EYS: variants seen among roughly 807,000 people sequenced by gnomAD.
EYS encodes EGF-like photoreceptor maintenance factor, also known as protein eyes shut homolog.
In EYS, 250 loss-of-function variants were observed where a neutral mutation model predicts 282.1. That is an observed-to-expected ratio of 0.89 (90% CI 0.80 to 0.98). EYS has a LOEUF of 0.98. Ranked by LOEUF, EYS falls within the 50% of genes least tolerant of loss-of-function variation. The pLI, the probability that EYS is intolerant of heterozygous loss-of-function variation, is 0.00. For missense variants in EYS, 4,016 were observed against 3,709.0 expected, an observed-to-expected ratio of 1.08 and a Z score of -2.15; for synonymous variants, 1,355 against 1,282.9, an observed-to-expected ratio of 1.06 and a Z score of -1.20.
At chr6:64,880,507 C>T (rs978224198) in intron 19 of EYS, among the ~76,000 whole-genome samples, 1 of 151,572 alleles carries the variant, frequency 6.6e-6, no homozygotes, top group Admixed American at 6.6e-5. Flanking sequence ...CTCTCTACCT[C>T]TCCCTCTCTA....
chr6:65,103,495 A>T (rs901001510), intron 12 of EYS, among the ~76,000 whole-genome samples: 1 of 151,414 alleles, frequency 6.6e-6, no homozygotes, highest in Non-Finnish European at 1.5e-5. Flanking sequence ...AGACTCTAAT[A>T]GTCAATGCCA....
At chr6:65,485,096 ATACT>A (rs1248333100) in intron 5 of EYS, among the ~76,000 whole-genome samples, 2 of 152,248 alleles carry the variant, frequency 1.3e-5, no homozygotes, top group Non-Finnish European at 2.9e-5. Flanking sequence ...TCTACAATAA[ATACT>A]TACTTTTTAA....
chr6:64,227,776 C>T (rs1277818816), intron 31 of EYS, among the ~76,000 whole-genome samples: 1 of 151,924 alleles, frequency 6.6e-6, no homozygotes, highest in East Asian at 1.9e-4. Flanking sequence ...ATAAGGGATT[C>T]ATTTAAACAT....
intron 12 of EYS, among the ~76,000 whole-genome samples, chr6:65,136,142 T>C (rs1227665789): frequency 6.6e-6 from 1 of 152,008 alleles, no homozygotes; most frequent in Non-Finnish European, 1.5e-5. Flanking sequence ...ATGTATTCCA[T>C]ACAGTACATT....
intron 35 of EYS, among the ~76,000 whole-genome samples, chr6:63,948,386 T>C (rs1173577258): frequency 1.3e-5 from 2 of 152,226 alleles, no homozygotes; most frequent in East Asian, 3.8e-4. Flanking sequence ...CATTTCTTTG[T>C]CTCTCAGAAA....
chr6:64,254,384 A>G (rs1318259268), intron 30 of EYS, among the ~76,000 whole-genome samples: 1 of 152,118 alleles, frequency 6.6e-6, no homozygotes. Context: ...GTCAATTTCT[A>G]GCTTGCTCCT....
chr6:65,443,723 CACATACGTGCATATACACAT>C (rs1768534595), intron 5 of EYS, among the ~76,000 whole-genome samples: 1 of 54,600 alleles, frequency 1.8e-5, no homozygotes, highest in African/African-American at 5.2e-5. Flanking sequence ...CACATATATA[CACATACGTGCATATACACAT>C]ATATACACAT....
chr6:64,764,042 G>T (rs560029992), intron 22 of EYS, among the ~76,000 whole-genome samples: 3 of 152,180 alleles, frequency 2.0e-5, no homozygotes, highest in Non-Finnish European at 4.4e-5. Context: ...GGCATTGAGG[G>T]CCGGAGGCTT....
At chr6:65,005,390 C>T (rs1211213812) in intron 13 of EYS, among the ~76,000 whole-genome samples, 10 of 147,510 alleles carry the variant, frequency 6.8e-5, no homozygotes, top group Non-Finnish European at 1.5e-4. Flanking sequence ...CCTCGGAATC[C>T]GTGAGGCCAA....
intron 12 of EYS, among the ~76,000 whole-genome samples, chr6:65,189,167 A>G (rs1765583868): frequency 6.6e-6 from 1 of 151,670 alleles, no homozygotes; most frequent in Non-Finnish European, 1.5e-5. Context: ...ATAATTTATT[A>G]TATATTTATG....
chr6:64,146,449 C>A (rs1774522192), intron 31 of EYS, among the ~76,000 whole-genome samples: 1 of 151,966 alleles, frequency 6.6e-6, no homozygotes. Flanking sequence ...TTGGCTTGTC[C>A]CAAAGCAGAA....
At chr6:65,353,182 A>T (rs1051191329) in intron 9 of EYS, among the ~76,000 whole-genome samples, 4 of 151,936 alleles carry the variant, frequency 2.6e-5, no homozygotes, top group African/African-American at 9.7e-5. Context: ...TTGTCCATTA[A>T]CCACTCCCTT....
intron 31 of EYS, among the ~76,000 whole-genome samples, chr6:64,096,560 G>A (rs1772622856): frequency 6.6e-6 from 1 of 152,156 alleles, no homozygotes; most frequent in African/African-American, 2.4e-5. Flanking sequence ...TGAGGCTTGT[G>A]CATTCGTCAC....
intron 5 of EYS, among the ~76,000 whole-genome samples, chr6:65,420,634 C>A: frequency 6.6e-6 from 1 of 151,826 alleles, no homozygotes; most frequent in East Asian, 1.9e-4. Context: ...TTCCAGAAAG[C>A]TTTCAATTGA....
chr6:64,318,658 T>C (rs1319978272), intron 29 of EYS, among the ~76,000 whole-genome samples: 10 of 152,112 alleles, frequency 6.6e-5, no homozygotes, highest in Non-Finnish European at 1.2e-4. Flanking sequence ...AACAATTTTT[T>C]TGGAGTTGAA....
chr6:63,818,923 T>C (rs1444895850), intron 36 of EYS, among the ~76,000 whole-genome samples: 2 of 152,244 alleles, frequency 1.3e-5, no homozygotes, highest in Admixed American at 6.5e-5. Context: ...GTGAGTTGTC[T>C]CCTTCCATCC....
intron 12 of EYS, among the ~76,000 whole-genome samples, chr6:65,201,648 A>G (rs950413552): frequency 3.3e-5 from 5 of 152,216 alleles, no homozygotes; most frequent in African/African-American, 1.2e-4. Flanking sequence ...TAAAATATAT[A>G]TGGATTTCAA....
intron 21 of EYS, among the ~76,000 whole-genome samples, chr6:64,814,894 G>C (rs1392074239): frequency 6.6e-6 from 1 of 151,856 alleles, no homozygotes; most frequent in Non-Finnish European, 1.5e-5. Flanking sequence ...CAATTTTCTA[G>C]AATTATTGTT....
intron 35 of EYS, among the ~76,000 whole-genome samples, chr6:63,872,993 T>C (rs1359546172): frequency 2.1e-5 from 3 of 142,906 alleles, no homozygotes; most frequent in Non-Finnish European, 4.8e-5. Flanking sequence ...GAGAAAAATA[T>C]CTTTTTTTGT....
Sources: gnomAD v4.1 joint callset for allele counts (sites outside exome capture counted in the v4.1 genomes callset) on GRCh38, gnomAD v4.1.1 for gene constraint, MANE v1.5 for transcripts, NCBI Gene and HGNC (gene_info 2026-07-23, HGNC 2026-07-21) for gene names.